Variants in CHID1 observed in about 807,000 individuals in gnomAD.
CHID1 encodes the protein chitinase domain containing 1.
A neutral mutation model predicts 55.4 loss-of-function variants in CHID1; 44 were observed. The ratio of observed to expected loss-of-function variants is 0.79; its 90% CI spans 0.62 to 1.02. CHID1 has a LOEUF of 1.02. Ranked by LOEUF, CHID1 falls within the 50% of genes least tolerant of loss-of-function variation. The pLI is 0.00. For missense variants in CHID1, 491 were observed against 515.3 expected (o/e 0.95, Z 0.46); for synonymous variants, 216 against 212.9 (o/e 1.01, Z -0.13).
chr11:902,446 C>A (rs1446141132), intron 3 of CHID1, 116 bp from the exon 4 acceptor site: 2 of 1,137,670 alleles, frequency 1.8e-6, no homozygotes, highest in Admixed American at 2.1e-5. Flanking sequence ...TAGACAGATA[C>A]CAGCCCGGAC....
intron 1 of CHID1, 21 bp downstream of exon 1, chr11:910,754 G>T (rs998649715): frequency 5.9e-6 from 7 of 1,188,940 alleles, no homozygotes; most frequent in Non-Finnish European, 5.3e-6. Flanking sequence ...AGGAGCAGGG[G>T]CCGGCCGCCG....
intron 2 of CHID1, among the ~76,000 whole-genome samples, chr11:904,454 C>A (rs12287536): frequency 0.045 from 6,923 of 152,284 alleles, 524 homozygotes; most frequent in African/African-American, 0.16. Context: ...ACAAGCCCCA[C>A]GTGGGGTGAG....
chr11:908,504 T>C lies in CHID1; in HGVS notation c.-44+2271A>G, dbSNP rs546148373. Reference sequence around the variant, plus strand: ...GCCCCAGGGAAGGTGGGGAGGGTTCTGGCCATGGCACAGGGAAGACGGCCC... The same window carrying C: ...GCCCCAGGGAAGGTGGGGAGGGTTCCGGCCATGGCACAGGGAAGACGGCCC... On this transcript the variant is annotated intron_variant, in intron 1 of 12. Coordinates refer to ENST00000323578, the MANE Select transcript of CHID1 (RefSeq NM_023947.4). 3.4e-5 allele frequency: 30 copies of C among 889,584 alleles called. 1 individual carries two copies. The South Asian group carries it at 1.3e-3, about 40-fold the overall frequency. The allele number at this position is 889,584 out of a possible 1,614,324, so 55.1% of individuals were successfully genotyped here.
upstream of CHID1, among the ~76,000 whole-genome samples, chr11:913,578 G>A (rs945417469): frequency 6.6e-6 from 1 of 152,032 alleles, no homozygotes; most frequent in Non-Finnish European, 1.5e-5. Flanking sequence ...TTCGAGACCA[G>A]TCTGAGCAAC....
chr11:910,357 C>T (rs1852570844), intron 1 of CHID1, among the ~76,000 whole-genome samples: 1 of 152,144 alleles, frequency 6.6e-6, no homozygotes, highest in Non-Finnish European at 1.5e-5. Context: ...CCGATGGCCA[C>T]CACTCTGCCA....
intron 1 of CHID1, among the ~76,000 whole-genome samples, 174 bp from the exon 2 acceptor site, chr11:905,033 C>T (rs535361313): frequency 6.6e-6 from 1 of 152,212 alleles, no homozygotes; most frequent in Non-Finnish European, 1.5e-5. Flanking sequence ...CGGCCACAGT[C>T]TATTCTCCAG....
At chr11:879,097 C>T (rs1381294839) in intron 10 of CHID1, among the ~76,000 whole-genome samples, 3 of 152,174 alleles carry the variant, frequency 2.0e-5, no homozygotes, top group African/African-American at 7.2e-5. Flanking sequence ...CCGCCCACCT[C>T]GGCCTCCCAA....
chr11:904,907 C>T, intron 1 of CHID1, 48 bp from the exon 2 acceptor site: 1 of 1,594,742 alleles, frequency 6.3e-7, no homozygotes, highest in Non-Finnish European at 8.5e-7. Context: ...AGAAATGCAG[C>T]ACATGGGCAA....
At chr11:897,142 AC>A (rs1851402376) in intron 7 of CHID1, among the ~76,000 whole-genome samples, 1 of 65,638 alleles carries the variant, frequency 1.5e-5, no homozygotes, top group South Asian at 5.9e-4. Flanking sequence ...CCCAGCCTCC[AC>A]CCCGACACGA....
chr11:903,661 G>C (rs989434116), intron 2 of CHID1: 4 of 214,626 alleles, frequency 1.9e-5, no homozygotes, highest in African/African-American at 9.5e-5. Context: ...GGCACCTGTA[G>C]TCCCAGCTAC....
intron 7 of CHID1, among the ~76,000 whole-genome samples, chr11:898,699 G>A (rs928698395): frequency 6.6e-6 from 1 of 152,216 alleles, no homozygotes; most frequent in Non-Finnish European, 1.5e-5. Flanking sequence ...CAGGCCAGGT[G>A]GGGGAGCCAT....
chr11:876,832 C>G (rs1408474801), intron 10 of CHID1, among the ~76,000 whole-genome samples: 2 of 152,222 alleles, frequency 1.3e-5, no homozygotes, highest in African/African-American at 4.8e-5. Flanking sequence ...GGTCTCTAGG[C>G]AGGGACAGAC....
At chr11:898,837 C>T (rs2134296971) in intron 7 of CHID1, among the ~76,000 whole-genome samples, 1 of 152,340 alleles carries the variant, frequency 6.6e-6, no homozygotes, top group Non-Finnish European at 1.5e-5. Context: ...TGGCCGCCTC[C>T]CGGTGGAGTG....
chr11:882,490 T>C (rs943546485), intron 10 of CHID1: 3 of 152,264 alleles, frequency 2.0e-5, no homozygotes, highest in Admixed American at 6.5e-5. Context: ...AGAGTACGAA[T>C]GCAGACTCAA....
intron 1 of CHID1, among the ~76,000 whole-genome samples, chr11:910,160 A>ACGGG (rs781512228): frequency 6.6e-6 from 1 of 151,902 alleles, no homozygotes; most frequent in East Asian, 1.9e-4. Flanking sequence ...GTCGAGGCGG[A>ACGGG]CGGGCGGGCG....
intron 11 of CHID1, 72 bp from the exon 12 acceptor site, chr11:870,235 C>G: frequency 6.3e-7 from 1 of 1,596,582 alleles, no homozygotes; most frequent in South Asian, 1.1e-5. Flanking sequence ...AGCCAAGGTC[C>G]ACGGCCTGTA....
chr11:903,798 G>C (rs1223527969), intron 2 of CHID1: 1 of 191,702 alleles, frequency 5.2e-6, no homozygotes, highest in Non-Finnish European at 1.1e-5. Flanking sequence ...AAAAAGAAAA[G>C]AACATGCCAG....
rs114420028 is a variant in CHID1 at position 880,985 on chromosome 11, A to G, written c.959+2163T>C. ...TACCAGGCCCACAGGAAGGCAGCATAATAGGACCCCAAACAAGGAGGAAAA... is the reference window on the plus strand; with the variant it reads ...TACCAGGCCCACAGGAAGGCAGCATGATAGGACCCCAAACAAGGAGGAAAA... On this transcript the variant is annotated intron_variant, in intron 10 of 12. Transcript: ENST00000323578. Among the ~76,000 whole-genome samples the G allele has an allele frequency of 2.4e-3, 373 of 152,366 alleles. 1 individual carries two copies. The highest frequency in any genetic ancestry group is 8.8e-3 in the African/African-American group (364 of 41,592).
At chr11:884,355 A>C (rs987525003) in intron 8 of CHID1, among the ~76,000 whole-genome samples, 186 bp from the exon 9 acceptor site, 2 of 152,084 alleles carry the variant, frequency 1.3e-5, no homozygotes, top group Non-Finnish European at 2.9e-5. Flanking sequence ...TGGGAGACAC[A>C]GGGGGATGTG....
Sources: gnomAD v4.1 joint callset for allele counts (sites outside exome capture counted in the v4.1 genomes callset) on GRCh38, gnomAD v4.1.1 for gene constraint, MANE v1.5 for transcripts, NCBI Gene and HGNC (gene_info 2026-07-23, HGNC 2026-07-21) for gene names.